The following TSNARE1 variants were observed in gnomAD, a reference collection of about 807,000 sequenced individuals.
The protein encoded by TSNARE1 is t-SNARE domain-containing protein 1.
In TSNARE1, 49 loss-of-function variants were observed where a neutral mutation model predicts 62.0. The observed-to-expected ratio is 0.79, with a 90% confidence interval of 0.63 to 1.00. TSNARE1 has a LOEUF of 1.00. Among genes scored for constraint, TSNARE1 ranks in the 50% least tolerant of loss-of-function variants. The probability of loss-of-function intolerance (pLI) is 0.00; values close to 1 mark genes in which losing one functional copy is unlikely to be tolerated. For missense variants in TSNARE1, 755 were observed against 700.1 expected (o/e 1.08, Z -0.88); for synonymous variants, 328 against 294.4 (o/e 1.11, Z -1.17).
chr8:142,223,005 C>G lies in TSNARE1; in HGVS notation c.*11+6468G>C, dbSNP rs867176754. On this transcript the variant is annotated intron_variant, in intron 13 of 13. Transcript: ENST00000524325. ...TCATTCACTCACTCTCTCATTCACTCATTTACTCACTCACTCAGCCACTCA... is the reference window on the plus strand; with the variant it reads ...TCATTCACTCACTCTCTCATTCACTGATTTACTCACTCACTCAGCCACTCA... Among the ~76,000 whole-genome samples, 42 of 79,504 alleles carry G rather than the reference C, an allele frequency of 5.3e-4. 3 individuals carry two copies. Among genetic ancestry groups the G allele is most frequent in the African/African-American group, 1.9e-3 (41 of 22,104 alleles). The allele number at this position is 79,504 out of a possible 152,430, so 52.2% of individuals were successfully genotyped here.
At chr8:142,379,403 C>T (rs576272739) in intron 1 of TSNARE1, among the ~76,000 whole-genome samples, 27 of 152,334 alleles carry the variant, frequency 1.8e-4, no homozygotes, top group African/African-American at 5.5e-4. Context: ...GGGGATGAGC[C>T]GCACGCTGGC....
At chr8:142,374,508 C>G (rs1238178651) in intron 1 of TSNARE1, among the ~76,000 whole-genome samples, 1 of 151,494 alleles carries the variant, frequency 6.6e-6, no homozygotes, top group African/African-American at 2.4e-5. Flanking sequence ...GAAACCCCGT[C>G]TCTACTAAAA....
intron 12 of TSNARE1, chr8:142,274,490 G>C (rs957124219): frequency 1.0e-6 from 1 of 985,362 alleles, no homozygotes; most frequent in African/African-American, 1.7e-5. Context: ...AAGGCCCCAA[G>C]GGCCCTCCCC....
intron 13 of TSNARE1, among the ~76,000 whole-genome samples, chr8:142,217,827 C>T (rs1815960573): frequency 6.6e-6 from 1 of 151,652 alleles, no homozygotes; most frequent in Non-Finnish European, 1.5e-5. Flanking sequence ...AGGGTGTGAG[C>T]AGGATCAGGG....
At position 142,291,656 on chromosome 8, in the gene TSNARE1, C is replaced by T. The variant is rs1586594664; in HGVS notation, c.1291-7171G>A. Among the ~76,000 whole-genome samples, 1 of 152,204 alleles carries T rather than the reference C, an allele frequency of 6.6e-6. No homozygotes were observed. The highest frequency in any genetic ancestry group is 2.4e-5 in the African/African-American group (1 of 41,466). On this transcript the variant is annotated intron_variant, in intron 10 of 13. Transcript: ENST00000524325. This position sits in a 1 kb window ranked among gnomAD's most constrained non-coding sequence, Gnocchi z 4.8. ...CGGGAACAGGCAACGCCGTTGCCTC[C>T]GCGGGCTTACGCTCGAGTGGCGAGA...
intron 12 of TSNARE1, among the ~76,000 whole-genome samples, chr8:142,263,962 CTTCT>C (rs1472825136): frequency 2.6e-5 from 4 of 152,090 alleles, no homozygotes; most frequent in Non-Finnish European, 4.4e-5. Context: ...AAGTTTCTTC[CTTCT>C]ATTTCTTTGG....
chr8:142,398,462 A>G (rs1012074287), intron 1 of TSNARE1, among the ~76,000 whole-genome samples: 1 of 151,548 alleles, frequency 6.6e-6, no homozygotes, highest in Non-Finnish European at 1.5e-5. Flanking sequence ...CAGCAGAGTC[A>G]GCTCCCCTCT....
At chr8:142,226,786 A>C (rs1351179344) in intron 13 of TSNARE1, among the ~76,000 whole-genome samples, 1 of 152,100 alleles carries the variant, frequency 6.6e-6, no homozygotes, top group African/African-American at 2.4e-5. Context: ...GGGGTCAAGA[A>C]GGGCTCCCCA....
chr8:142,315,933 G>C (rs1417897079), intron 7 of TSNARE1, among the ~76,000 whole-genome samples: 1 of 152,230 alleles, frequency 6.6e-6, no homozygotes, highest in African/African-American at 2.4e-5. Flanking sequence ...CAAAGACGTG[G>C]TAGGCACTGA....
chr8:142,234,665 T>A (rs1253736289), intron 12 of TSNARE1, among the ~76,000 whole-genome samples: 1 of 152,106 alleles, frequency 6.6e-6, no homozygotes. Context: ...CCTGTCCAGG[T>A]GAGGAAGGAG....
rs368754381 is a variant in TSNARE1, at chr8:142,315,065, G to A, written c.1012C>T (p.Gln338Ter). The A allele has an allele frequency of 3.7e-6, 6 of 1,614,042 alleles. No homozygotes were observed. The highest frequency in any genetic ancestry group is 1.3e-5 in the African/African-American group (1 of 74,918). Residue 338 changes from glutamine to a stop codon, truncating the protein, a stop_gained, in exon 8 of 14, where the codon CAG (glutamine) becomes TAG (stop). Transcript: ENST00000524325. LOFTEE classifies it high-confidence loss of function. ...PQERLQQERP[Q>*]LDRLKTQLSD... ...AGCTGGGTTTTCAGCCGGTCCAGCT[G>A]AGGACGCTCCTGCTGCAGACGCTCC...
rs869202105 is a variant in TSNARE1, at chr8:142,217,371, GAAA to G, written c.*12-5061_*12-5059del. Reference sequence around the variant, plus strand: ...AGAAAGAAAGAAAGAAAGAAAGAAAGAAAAAAGGGAAAGAAAGAAAAAGCAAGC... The same window carrying G: ...AGAAAGAAAGAAAGAAAGAAAGAAAGAAAGGGAAAGAAAGAAAAAGCAAGC... On this transcript the variant is annotated intron_variant, in intron 13 of 13. Coordinates refer to ENST00000524325, the MANE Select transcript of TSNARE1 (RefSeq NM_145003.5). Among the ~76,000 whole-genome samples the G allele has an allele frequency of 5.0e-4, 70 of 140,356 alleles. 3 individuals are homozygous for G. The highest frequency in any genetic ancestry group is 1.5e-3 in the African/African-American group (54 of 35,560). The allele number at this position is 140,356 out of a possible 152,430, so 92.1% of individuals were successfully genotyped here. A position where few individuals can be genotyped will look rare whatever the true frequency, so the allele number is the denominator to read the frequency against.
At chr8:142,255,461 TCACCATCAC>T (rs1818392279) in intron 12 of TSNARE1, among the ~76,000 whole-genome samples, 2 of 56,482 alleles carry the variant, frequency 3.5e-5, no homozygotes, top group Non-Finnish European at 6.2e-5. Context: ...ACCATCACCA[TCACCATCAC>T]CACCACCATC....
intron 2 of TSNARE1, among the ~76,000 whole-genome samples, chr8:142,350,950 C>A (rs181385505): frequency 3.9e-5 from 6 of 152,358 alleles, no homozygotes; most frequent in Admixed American, 3.9e-4. Context: ...AACAGACACT[C>A]CTAGAGGCCG....
At chr8:142,343,857 G>A in intron 4 of TSNARE1, 109 bp downstream of exon 4, 2 of 1,044,818 alleles carry the variant, frequency 1.9e-6, no homozygotes, top group Non-Finnish European at 2.6e-6. Flanking sequence ...AGAGGAGGAG[G>A]AGGAAAGTCA....
Position 142,279,267 on chromosome 8 carries a change from C to T in TSNARE1, c.1364-4404G>A, listed in dbSNP as rs569447068. Among the ~76,000 whole-genome samples, 6 of 152,344 alleles carry T rather than the reference C, an allele frequency of 3.9e-5. No homozygotes were observed. The South Asian group carries it at 1.0e-3, about 26-fold the overall frequency. ...GACTGCATCTGGAAGGGGAGGGCTG[C>T]CCGTGGAGAGGAAGGCCAGGCCGGG... is the stretch of plus-strand genomic sequence containing the variant. On this transcript the variant is annotated intron_variant, in intron 11 of 13. Transcript: ENST00000524325.
At chr8:142,245,737 T>C (rs1219568250) in intron 12 of TSNARE1, among the ~76,000 whole-genome samples, 1 of 152,144 alleles carries the variant, frequency 6.6e-6, no homozygotes, top group African/African-American at 2.4e-5. Context: ...GGGACAAGAT[T>C]AGGTTGGGGT....
chr8:142,322,161 TA>T (rs1326888937), intron 6 of TSNARE1, among the ~76,000 whole-genome samples: 2 of 152,228 alleles, frequency 1.3e-5, no homozygotes, highest in African/African-American at 4.8e-5. Flanking sequence ...AACATCTTAA[TA>T]AATTATGCAG....
At chr8:142,299,540 C>G (rs539300249) in intron 10 of TSNARE1, among the ~76,000 whole-genome samples, 12 of 152,246 alleles carry the variant, frequency 7.9e-5, no homozygotes, top group Non-Finnish European at 1.8e-4. Flanking sequence ...GTCCCCCCCA[C>G]GCTGCCTGAT....
Sources: gnomAD v4.1 joint callset for allele counts (sites outside exome capture counted in the v4.1 genomes callset) on GRCh38, gnomAD v4.1.1 for gene constraint, Gnocchi (gnomAD v3.1) non-coding constraint, MANE v1.5 for transcripts, NCBI Gene and HGNC (gene_info 2026-07-23, HGNC 2026-07-21) for gene names.